Variants in RAD51B observed in about 807,000 individuals in gnomAD.
RAD51B encodes the protein RAD51 paralog B, also known as DNA repair protein RAD51 homolog 2.
Under a neutral mutation model 42.2 loss-of-function variants are expected in RAD51B, and 38 were observed. The observed-to-expected ratio is 0.90, with a 90% CI of 0.70 to 1.18. RAD51B has a LOEUF of 1.18. Ranked by LOEUF, RAD51B falls within the 50% of genes most tolerant of loss-of-function variation. The pLI is 0.00. For synonymous variants in RAD51B, 154 were observed against 145.2 expected, an observed-to-expected ratio of 1.06 and a Z score of -0.43; for missense variants, 373 against 400.7, an observed-to-expected ratio of 0.93 and a Z score of 0.59.
At chr14:68,501,979 A>G (rs972204594) in intron 10 of RAD51B, among the ~76,000 whole-genome samples, 1 of 152,170 alleles carries the variant, frequency 6.6e-6, no homozygotes, top group Non-Finnish European at 1.5e-5. Flanking sequence ...TGCCCTGCCC[A>G]ATGCCCAGAT....
At chr14:68,611,595 A>C, downstream of RAD51B, 1 of 368,996 alleles carries the variant, frequency 2.7e-6, no homozygotes, top group Non-Finnish European at 5.0e-6. Flanking sequence ...AAAACAAATC[A>C]ACAAATTAGT....
At chr14:68,518,562 C>T (rs546531141) in intron 10 of RAD51B, among the ~76,000 whole-genome samples, 3,154 of 150,750 alleles carry the variant, frequency 0.021, 119 homozygotes, top group African/African-American at 0.071. Context: ...GAGCCCCCCC[C>T]CCAGGCCTCC....
intron 7 of RAD51B, among the ~76,000 whole-genome samples, chr14:68,252,091 G>A (rs2080645860): frequency 6.6e-6 from 1 of 152,230 alleles, no homozygotes; most frequent in African/African-American, 2.4e-5. Flanking sequence ...GTACAAAAGA[G>A]CAAGATCCTT....
chr14:67,908,447 G>A (rs2043852461), intron 7 of RAD51B: 1 of 151,850 alleles, frequency 6.6e-6, no homozygotes, highest in Non-Finnish European at 1.5e-5. Context: ...CAGAAAAAGT[G>A]TACTTTTTTG....
chr14:68,275,840 A>ACC (rs1555385476), intron 7 of RAD51B, among the ~76,000 whole-genome samples: 115 of 134,944 alleles, frequency 8.5e-4, no homozygotes, highest in East Asian at 3.7e-3. Flanking sequence ...ACACACACAC[A>ACC]CCCTTGAATT....
intron 4 of RAD51B, among the ~76,000 whole-genome samples, chr14:67,846,869 A>G (rs572695077): frequency 1.9e-4 from 29 of 152,198 alleles, no homozygotes; most frequent in African/African-American, 6.7e-4. Context: ...CACTGCAGAC[A>G]TTACTGCACC....
intron 10 of RAD51B, among the ~76,000 whole-genome samples, chr14:68,631,585 G>A (rs752307015): frequency 5.3e-5 from 8 of 152,158 alleles, no homozygotes; most frequent in Admixed American, 2.6e-4. Context: ...CCATGTGCCC[G>A]GCATATAGAA....
rs184329436 is a variant in RAD51B at position 68,114,744 on chromosome 14, A to C, written c.757-177140A>C. Among the ~76,000 whole-genome samples the C allele has an allele frequency of 6.6e-5, 10 of 152,256 alleles. No homozygotes were observed. The East Asian group carries it at 1.9e-3, about 29-fold the overall frequency. ...TATTGGATGTGAGATCATCTGCCAG[A>C]GATAATTAATTTCATATTATTTGTG... is the stretch of plus-strand genomic sequence containing the variant. On this transcript the variant is annotated intron_variant, in intron 7 of 10. Coordinates refer to ENST00000471583, the MANE Select transcript of RAD51B (RefSeq NM_133510.4).
chr14:68,427,460 G>A (rs2084880696), intron 9 of RAD51B, among the ~76,000 whole-genome samples: 1 of 152,218 alleles, frequency 6.6e-6, no homozygotes, highest in Non-Finnish European at 1.5e-5. Context: ...AACAGAAGGT[G>A]GAAATGGAGT....
Sources: gnomAD v4.1 joint callset for allele counts (sites outside exome capture counted in the v4.1 genomes callset) on GRCh38, gnomAD v4.1.1 for gene constraint, MANE v1.5 for transcripts, NCBI Gene and HGNC (gene_info 2026-07-23, HGNC 2026-07-21) for gene names.